FANCD2: variants seen among roughly 807,000 people sequenced by gnomAD.
The protein encoded by FANCD2 is FA complementation group D2, also known as Fanconi anemia group D2 protein.
A neutral mutation model predicts 192.3 loss-of-function variants in FANCD2; 131 were observed. That is an observed-to-expected ratio of 0.68 (90% CI 0.59 to 0.79). FANCD2 has a LOEUF of 0.79. FANCD2 is among the 30% of genes least tolerant of loss of function. The pLI, the probability that FANCD2 is intolerant of heterozygous loss-of-function variation, is 0.00. For synonymous variants in FANCD2, 524 were observed against 612.5 expected (o/e 0.86, Z 2.13); for missense variants, 1,508 against 1,701.6 (o/e 0.89, Z 2.00).
intron 2 of FANCD2, among the ~76,000 whole-genome samples, chr3:10,030,613 CTG>C (rs1209610605): frequency 6.6e-6 from 1 of 151,942 alleles, no homozygotes; most frequent in East Asian, 1.9e-4. Flanking sequence ...GAAACGGAAA[CTG>C]TGGGCCGGGC....
chr3:10,083,543 C>A (rs990846839), intron 32 of FANCD2: 1 of 152,114 alleles, frequency 6.6e-6, no homozygotes, highest in Non-Finnish European at 1.5e-5. Context: ...CATGCACCTA[C>A]CATGTGACTC....
intron 32 of FANCD2, among the ~76,000 whole-genome samples, chr3:10,083,996 T>C (rs561901522): frequency 6.6e-6 from 1 of 151,468 alleles, no homozygotes; most frequent in South Asian, 2.1e-4. Context: ...TTTCCCATGC[T>C]TTTGTGTGTG....
At position 10,072,872 on chromosome 3, in the gene FANCD2, C is replaced by A; in HGVS notation, c.2496C>A (p.Val832=). Residue 832 remains valine (V), a splice_region_variant and synonymous_variant, in exon 27 of 44, where the codon GTC becomes GTA. Transcript: ENST00000675286. ...LQIILEKYLA[V]TPDYVPPLGN... is the part of the protein sequence containing the mutation. ...GCTTCAGCCTGCTGTTTGTTTCAGT[C>A]ACCCCAGACTATGTCCCTCCTCTTG... is the stretch of plus-strand genomic sequence containing the variant. 3.2e-6 allele frequency: 5 copies of A among 1,564,094 alleles called. No individual in the cohort carries two copies. The highest frequency in any genetic ancestry group is 1.1e-5 in the South Asian group (1 of 89,996).
rs746834645 is a variant in FANCD2 at position 10,046,671 on chromosome 3, C to T, written c.1226C>T (p.Ser409Leu). 12 of 1,614,112 alleles carry T rather than the reference C, an allele frequency of 7.4e-6. No homozygotes were observed. In the South Asian group the frequency reaches 1.3e-4, roughly 18 times the overall value. Residue 409 changes from serine (S) to leucine (L), a missense_variant, in exon 15 of 44, where the codon TCA becomes TTA. Ser to Leu is a moderately radical substitution (Grantham distance 145, BLOSUM62 -2). Around this residue, in one of 5 missense-constraint regions of FANCD2, gnomAD observed 108 missense variants for 174.1 expected, o/e 0.62. Coordinates refer to ENST00000675286, the MANE Select transcript of FANCD2 (RefSeq NM_001018115.3). ...IDRVLRNKIR[S>L]GCIQEQLLQS... ...AGGGTGCTAAGAAATAAGATTCGAT[C>T]AGGCTGCATTCAAGAACAGCTGCTC...
chr3:10,078,547 G>T (rs1373273719), intron 30 of FANCD2, among the ~76,000 whole-genome samples: 2 of 151,780 alleles, frequency 1.3e-5, no homozygotes, highest in Non-Finnish European at 2.9e-5. Context: ...GTAGAGACGG[G>T]GTTTCACCGT....
chr3:10,031,501 CAA>C (rs796241281), intron 2 of FANCD2, among the ~76,000 whole-genome samples: 37 of 87,052 alleles, frequency 4.3e-4, no homozygotes, highest in Admixed American at 7.9e-4. Flanking sequence ...GACTCCATTT[CAA>C]AAAAAAAAAA....
chr3:10,031,279 A>G lies in FANCD2; in HGVS notation c.65-1553A>G, dbSNP rs189447494. Among the ~76,000 whole-genome samples, 226 of 152,256 alleles carry G rather than the reference A, an allele frequency of 1.5e-3. 4 individuals are homozygous for G. In the East Asian group the frequency reaches 0.016, roughly 11 times the overall value. ...AGCACTTTGGGTGGCCAAGGCGGGC[A>G]GATCACGAGGTCAGGAGATTGAGAC... On this transcript the variant is annotated intron_variant, in intron 2 of 43. Transcript: ENST00000675286.
intron 26 of FANCD2, among the ~76,000 whole-genome samples, chr3:10,068,150 A>G (rs1234687613): frequency 1.3e-5 from 2 of 152,166 alleles, no homozygotes; most frequent in Non-Finnish European, 2.9e-5. Flanking sequence ...ACAATTAGAC[A>G]AGAGAGAGAA....
At chr3:10,034,608 T>C in intron 4 of FANCD2, 72 bp downstream of exon 4, 1 of 1,494,744 alleles carries the variant, frequency 6.7e-7, no homozygotes, top group Non-Finnish European at 9.3e-7. Flanking sequence ...AGGACACTGG[T>C]ATAAAGTTGA....
rs1210972722 is a variant in FANCD2, at chr3:10,035,157, TC to T, written c.378-15del. 1 of 1,593,138 alleles carries T rather than the reference TC, an allele frequency of 6.3e-7. No homozygotes were observed. Among genetic ancestry groups the T allele is most frequent in the Non-Finnish European group, 8.5e-7 (1 of 1,170,460 alleles). ...AGGAAAGCAAAGTGGAAAACAGATT[TC>T]TTTTTTTTTTACAGTATGGGTGCAT... On this transcript the variant is annotated splice_polypyrimidine_tract_variant and intron_variant, in intron 5 of 43. Coordinates refer to ENST00000675286, the MANE Select transcript of FANCD2 (RefSeq NM_001018115.3).
At chr3:10,080,843 C>CTT (rs1348816285) in intron 30 of FANCD2, among the ~76,000 whole-genome samples, 2 of 152,184 alleles carry the variant, frequency 1.3e-5, no homozygotes, top group Non-Finnish European at 2.9e-5. Flanking sequence ...TTTATGTGAC[C>CTT]TTTATCTGAT....
At chr3:10,086,062 CT>C in intron 33 of FANCD2, 140 bp downstream of exon 33, 1 of 690,044 alleles carries the variant, frequency 1.4e-6, no homozygotes, top group Non-Finnish European at 2.7e-6. Flanking sequence ...CATATATGAG[CT>C]TTCTCATCTA....
Position 10,088,532 on chromosome 3 carries a change from G to T in FANCD2, c.3550G>T (p.Ala1184Ser). 5 of 1,601,662 alleles carry T rather than the reference G, an allele frequency of 3.1e-6. No individual in the cohort carries two copies. Among genetic ancestry groups the T allele is most frequent in the Non-Finnish European group, 3.4e-6 (4 of 1,168,686 alleles). ...KSNISNDQLH[A>S]LLCIYLEHTE... is the part of the protein sequence containing the mutation. ...CAACATCTCTAATGACCAGCTCCAT[G>T]CTCTGCTCTGGTGAGATGTTTGGTT... The change falls in exon 35 of 44, where the codon GCT becomes TCT. Residue 1184 changes from alanine to serine, a missense_variant. Ala to Ser is a moderately conservative substitution (Grantham distance 99, BLOSUM62 1). Around this residue, in one of 5 missense-constraint regions of FANCD2, gnomAD observed 796 missense variants for 879.4 expected, o/e 0.91. Transcript: ENST00000675286.
At chr3:10,094,127 TAA>T (rs1453309982) in intron 39 of FANCD2, among the ~76,000 whole-genome samples, 160 bp from the exon 40 acceptor site, 2 of 152,218 alleles carry the variant, frequency 1.3e-5, no homozygotes. Flanking sequence ...ATTTTTGTAT[TAA>T]GTTACATTCT....
At chr3:10,060,786 T>TACAA (rs2087543818) in intron 19 of FANCD2, among the ~76,000 whole-genome samples, 1 of 152,242 alleles carries the variant, frequency 6.6e-6, no homozygotes, top group Non-Finnish European at 1.5e-5. Context: ...ATACATTTGA[T>TACAA]ACAAATAAGA....
intron 32 of FANCD2, among the ~76,000 whole-genome samples, chr3:10,085,321 T>G (rs1178994239): frequency 6.6e-6 from 1 of 152,116 alleles, no homozygotes; most frequent in Admixed American, 6.5e-5. Context: ...CAGTTTCTAC[T>G]CTGATACTTA....
In FANCD2 at chr3:10,036,284, T is replaced by C. The variant is rs771998947; in HGVS notation, c.439-3T>C. 6.2e-7 allele frequency: 1 copy of C among 1,610,938 alleles called. No homozygotes were observed. The highest frequency in any genetic ancestry group is 2.2e-5 in the East Asian group (1 of 44,850). ...TCCTAACTCCCTATGTCTTCTTTTT[T>C]AGCCTGCCATTATCAAAACCTTATT... On this transcript the variant is annotated splice_region_variant and splice_polypyrimidine_tract_variant and intron_variant, in intron 6 of 43. Transcript: ENST00000675286.
intron 17 of FANCD2, among the ~76,000 whole-genome samples, chr3:10,050,103 T>C (rs1216062304): frequency 6.6e-6 from 1 of 152,166 alleles, no homozygotes; most frequent in Non-Finnish European, 1.5e-5. Flanking sequence ...AGTTTCAACT[T>C]TATTTTTTAG....
intron 18 of FANCD2, among the ~76,000 whole-genome samples, chr3:10,059,968 C>CACCAGCCTAGCCAACATGGT (rs1322781191): frequency 1.3e-5 from 2 of 151,568 alleles, no homozygotes; most frequent in Non-Finnish European, 2.9e-5. Context: ...GTCAGGAGTT[C>CACCAGCCTAGCCAACATGGT]ACCAGCCTAG....
Sources: allele counts gnomAD v4.1 joint callset (sites outside exome capture counted in the v4.1 genomes callset), GRCh38; gene constraint gnomAD v4.1.1; regional missense constraint gnomAD v4.1.1; transcripts MANE v1.5; gene names NCBI Gene and HGNC (gene_info 2026-07-23, HGNC 2026-07-21).